ARC: variants seen among roughly 807,000 people sequenced by gnomAD.
ARC encodes the protein activity-regulated cytoskeleton-associated protein.
A neutral mutation model predicts 20.0 loss-of-function variants in ARC; 10 were observed. The observed-to-expected ratio is 0.50, with a 90% confidence interval of 0.31 to 0.85. The LOEUF is 0.85. ARC is among the 40% of genes least tolerant of loss of function. The pLI is 0.05. For synonymous variants in ARC, 269 were observed against 254.1 expected (o/e 1.06, Z -0.56); for missense variants, 454 against 555.5 (o/e 0.82, Z 1.84).
rs587723282 is a variant in ARC at position 142,612,253 on chromosome 8, C to G, written c.*598-1G>C. ...TCCAGGCGGGCGTGAATCACTGGAG[C>G]TGGGGGAGAGAAAGCGCGGGTCCAT... On this transcript the variant is annotated splice_acceptor_variant, in intron 1 of 2. Transcript: ENST00000356613. LOFTEE classifies it low-confidence loss of function (3UTR_SPLICE). 6.5e-6 allele frequency: 1 copy of G among 152,710 alleles called. No homozygotes were observed. Among genetic ancestry groups the G allele is most frequent in the African/African-American group, 2.4e-5 (1 of 41,582 alleles). The allele number at this position is 152,710 out of a possible 1,614,324, so 9.5% of individuals were successfully genotyped here.
Position 142,613,166 on chromosome 8 carries a change from T to C in ARC, c.1106A>G (p.His369Arg), listed in dbSNP as rs762016127. ...CTCCGCCTCATCCTCCACCGGGAGG[T>C]GGGGGCCGGCCGGCTCGGCCGCCTG... ...LEQAAEPAGP[H>R]LPVEDEAETL... Residue 369 changes from histidine (H) to arginine (R), a missense_variant, in exon 1 of 3, where the codon CAC becomes CGC. Physicochemically the swap from His to Arg is conservative, Grantham distance 29 (BLOSUM62 0). Coordinates refer to ENST00000356613, the MANE Select transcript of ARC (RefSeq NM_015193.5). The C allele has an allele frequency of 2.5e-6, 4 of 1,606,656 alleles. No individual in the cohort carries two copies. Among genetic ancestry groups the C allele is most frequent in the South Asian group, 2.2e-5 (2 of 90,502 alleles).
rs780778985 is a variant in ARC at position 142,613,072 on chromosome 8, G to A, written c.*9C>T. The A allele has an allele frequency of 2.8e-5, 42 of 1,498,318 alleles. No homozygotes were observed. The African/African-American group carries it at 4.3e-4, about 15-fold the overall frequency. The allele number at this position is 1,498,318 out of a possible 1,614,324, so 92.8% of individuals were successfully genotyped here. ...TGTAGTGGGCAGGCTGGGGGCTCCGGGATGCCCTCTACTCGGGCTGGGTCC... is the reference window on the plus strand; with the variant it reads ...TGTAGTGGGCAGGCTGGGGGCTCCGAGATGCCCTCTACTCGGGCTGGGTCC... On this transcript the variant is annotated 3_prime_UTR_variant, in exon 1 of 3. Coordinates refer to ENST00000356613, the MANE Select transcript of ARC (RefSeq NM_015193.5).
chr8:142,613,779 A>G lies in ARC; in HGVS notation c.493T>C (p.Tyr165His). 6.4e-7 allele frequency: 1 copy of G among 1,552,310 alleles called. No homozygotes were observed. Among genetic ancestry groups the G allele is most frequent in the South Asian group, 1.2e-5 (1 of 85,964 alleles). The change falls in exon 1 of 3, where the codon TAC becomes CAC. Residue 165 changes from tyrosine (Y) to histidine (H), a missense_variant. Tyr to His is a moderately conservative substitution (Grantham distance 83, BLOSUM62 2). Coordinates refer to ENST00000356613, the MANE Select transcript of ARC (RefSeq NM_015193.5). ...GCGTAGGGGCTGACGGTGTAGTCGT[A>G]GCCGTCTGCCTCGTGGCAGTAGCTC... Reference protein sequence around the residue: ...PESYCHEADGYDYTVSPYAIT... With the variant: ...PESYCHEADGHDYTVSPYAIT...
Position 142,613,766 on chromosome 8 carries a change from ACGGTGTAGT to A in ARC, c.497_505del (p.Asp166_Thr168del). ...GGGCGGGGTGATGGCGTAGGGGCTGACGGTGTAGTCGTAGCCGTCTGCCTCGTGGCAGTA... is the reference window on the plus strand; with the variant it reads ...GGGCGGGGTGATGGCGTAGGGGCTGACGTAGCCGTCTGCCTCGTGGCAGTA... On this transcript the variant is annotated inframe_deletion, in exon 1 of 3. Coordinates refer to ENST00000356613, the MANE Select transcript of ARC (RefSeq NM_015193.5). 1 of 1,551,938 alleles carries A rather than the reference ACGGTGTAGT, an allele frequency of 6.4e-7. No individual in the cohort carries two copies. Among genetic ancestry groups the A allele is most frequent in the Non-Finnish European group, 8.7e-7 (1 of 1,155,606 alleles).
Position 142,612,862 on chromosome 8 carries a change from AG to A in ARC, c.*218del. 1.9e-6 allele frequency: 1 copy of A among 514,642 alleles called. No individual in the cohort carries two copies. The highest frequency in any genetic ancestry group is 3.6e-5 in the South Asian group (1 of 27,786). 31.9% of individuals were successfully genotyped at this position (514,642 alleles called of 1,614,324 possible). A position where few individuals can be genotyped will look rare whatever the true frequency, so the allele number is the denominator to read the frequency against. ...CCAGGCCGGAAAGACAGACGGAGGG[AG>A]GGTGATGGGTGGAGCCCTGCAGGGG... On this transcript the variant is annotated 3_prime_UTR_variant, in exon 1 of 3. Transcript: ENST00000356613.
rs763581297 is a variant in ARC at position 142,614,164 on chromosome 8, G to A, written c.108C>T (p.Ala36=). 1.8e-5 allele frequency: 28 copies of A among 1,580,650 alleles called. No individual in the cohort carries two copies. In the Middle Eastern group the frequency reaches 6.7e-4, roughly 38 times the overall value. The change falls in exon 1 of 3, where the codon GCC becomes GCT. Residue 36 remains alanine, a synonymous_variant. Coordinates refer to ENST00000356613, the MANE Select transcript of ARC (RefSeq NM_015193.5). The part of the protein sequence containing the change: ...NVILQIGKCR[A]EMLEHVRRTH... ...TCCGCCGCACGTGCTCCAGCATCTC[G>A]GCCCGGCACTTCCCGATCTGCAGGA...
rs905537643 is a variant in ARC, at chr8:142,612,775, G to A, written c.*306C>T. ...TTCTGGATGTCCAGAGGGCCTGGGTGTTGTAGCAGAATGAGGAAGCTGGGG... is the reference window on the plus strand; with the variant it reads ...TTCTGGATGTCCAGAGGGCCTGGGTATTGTAGCAGAATGAGGAAGCTGGGG... On this transcript the variant is annotated 3_prime_UTR_variant, in exon 1 of 3. Transcript: ENST00000356613. 14 of 380,256 alleles carry A rather than the reference G, an allele frequency of 3.7e-5. No individual in the cohort carries two copies. Among genetic ancestry groups the A allele is most frequent in the Admixed American group, 2.5e-4 (6 of 24,426 alleles). 23.6% of individuals were successfully genotyped at this position (380,256 alleles called of 1,614,324 possible). A position where few individuals can be genotyped will look rare whatever the true frequency, so the allele number is the denominator to read the frequency against.
At position 142,613,492 on chromosome 8, in the gene ARC, G is replaced by A. The variant is rs770283075; in HGVS notation, c.780C>T (p.Ser260=). The A allele has an allele frequency of 1.9e-6, 3 of 1,613,124 alleles. No individual in the cohort carries two copies. Among genetic ancestry groups the A allele is most frequent in the Non-Finnish European group, 8.5e-7 (1 of 1,179,854 alleles). Residue 260 remains serine (S), a synonymous_variant, in exon 1 of 3, where the codon TCC becomes TCT. Coordinates refer to ENST00000356613, the MANE Select transcript of ARC (RefSeq NM_015193.5). ...AKKWWEFKQG[S]VKNWVEFKKE... ...TCTTGAACTCCACCCAGTTCTTCAC[G>A]GAGCCCTGCTTGAACTCCCACCACT...
Position 142,614,116 on chromosome 8 carries a change from C to A in ARC, c.156G>T (p.Glu52Asp). 6.3e-7 allele frequency: 1 copy of A among 1,592,134 alleles called. No homozygotes were observed. Among genetic ancestry groups the A allele is most frequent in the Non-Finnish European group, 8.6e-7 (1 of 1,169,448 alleles). Residue 52 changes from glutamate to aspartate, a missense_variant, in exon 1 of 3, where the codon GAG becomes GAT. Physicochemically the swap from Glu to Asp is conservative, Grantham distance 45. Coordinates refer to ENST00000356613, the MANE Select transcript of ARC (RefSeq NM_015193.5). ...VRRTHRHLLA[E>D]VSKQVERELK... ...GCTCGCGCTCCACCTGCTTGGACAC[C>A]TCGGCCAGCAGGTGCCGGTGCGTCC...
chr8:142,612,745 T>G lies in ARC; in HGVS notation c.*336A>C. On this transcript the variant is annotated 3_prime_UTR_variant, in exon 1 of 3. Coordinates refer to ENST00000356613, the MANE Select transcript of ARC (RefSeq NM_015193.5). ...CGCTGGCCCCTGCCATCCGGACACT[T>G]GGTTTTCTGGATGTCCAGAGGGCCT... 1 of 291,360 alleles carries G rather than the reference T, an allele frequency of 3.4e-6. No individual in the cohort carries two copies. Among genetic ancestry groups the G allele is most frequent in the Non-Finnish European group, 6.4e-6 (1 of 155,148 alleles). The allele number at this position is 291,360 out of a possible 1,614,324, so 18.0% of individuals were successfully genotyped here. A position where few individuals can be genotyped will look rare whatever the true frequency, so the allele number is the denominator to read the frequency against.
Position 142,613,059 on chromosome 8 carries a change from G to A in ARC, c.*22C>T. The A allele has an allele frequency of 6.8e-7, 1 of 1,469,676 alleles. No homozygotes were observed. Among genetic ancestry groups the A allele is most frequent in the Non-Finnish European group, 9.0e-7 (1 of 1,108,444 alleles). 91.0% of individuals were successfully genotyped at this position (1,469,676 alleles called of 1,614,324 possible). A position where few individuals can be genotyped will look rare whatever the true frequency, so the allele number is the denominator to read the frequency against. On this transcript the variant is annotated 3_prime_UTR_variant, in exon 1 of 3. Coordinates refer to ENST00000356613, the MANE Select transcript of ARC (RefSeq NM_015193.5). ...GCCACAGGCTGGATGTAGTGGGCAG[G>A]CTGGGGGCTCCGGGATGCCCTCTAC...
In ARC at chr8:142,612,997, A is replaced by C; in HGVS notation, c.*84T>G. On this transcript the variant is annotated 3_prime_UTR_variant, in exon 1 of 3. Coordinates refer to ENST00000356613, the MANE Select transcript of ARC (RefSeq NM_015193.5). ...CCAGCTGGACCAGGGCTTCCCCTGC[A>C]GGAGTCAGCCCCAGCTCAAAAGTCC... The C allele has an allele frequency of 1.7e-6, 2 of 1,143,768 alleles. No homozygotes were observed. Among genetic ancestry groups the C allele is most frequent in the Non-Finnish European group, 2.4e-6 (2 of 832,048 alleles). 70.9% of individuals were successfully genotyped at this position (1,143,768 alleles called of 1,614,324 possible).
Position 142,614,443 on chromosome 8 carries a change from G to A in ARC, c.-172C>T, listed in dbSNP as rs1207195118. The stretch of plus-strand genomic sequence containing the variant: ...CGCCCGGGGAGGCAGGTCCGGCTCG[G>A]CTGCTGCGGAGGGAGGACGCCGCGC... On this transcript the variant is annotated 5_prime_UTR_variant, in exon 1 of 3. Transcript: ENST00000356613. 7 of 493,012 alleles carry A rather than the reference G, an allele frequency of 1.4e-5. No individual in the cohort carries two copies. The highest frequency in any genetic ancestry group is 1.0e-4 in the African/African-American group (5 of 49,890). The allele number at this position is 493,012 out of a possible 1,614,324, so 30.5% of individuals were successfully genotyped here.
chr8:142,612,904 GC>G lies in ARC; in HGVS notation c.*176del. ...CCTGCAGGGGGGAGGGCTCTTTGCCGCTGGGTGCGGTGCTCACATCTGGATG... is the reference window on the plus strand; with the variant it reads ...CCTGCAGGGGGGAGGGCTCTTTGCCGTGGGTGCGGTGCTCACATCTGGATG... On this transcript the variant is annotated 3_prime_UTR_variant, in exon 1 of 3. Coordinates refer to ENST00000356613, the MANE Select transcript of ARC (RefSeq NM_015193.5). The G allele has an allele frequency of 6.9e-6, 4 of 576,154 alleles. No individual in the cohort carries two copies. Among genetic ancestry groups the G allele is most frequent in the South Asian group, 2.5e-5 (1 of 39,640 alleles). The allele number at this position is 576,154 out of a possible 1,614,324, so 35.7% of individuals were successfully genotyped here.
chr8:142,614,164 G>T lies in ARC; in HGVS notation c.108C>A (p.Ala36=). 2.5e-6 allele frequency: 4 copies of T among 1,580,768 alleles called. No individual in the cohort carries two copies. The highest frequency in any genetic ancestry group is 3.4e-6 in the Non-Finnish European group (4 of 1,165,768). The change falls in exon 1 of 3, where the codon GCC becomes GCA. Residue 36 remains alanine, a synonymous_variant. Coordinates refer to ENST00000356613, the MANE Select transcript of ARC (RefSeq NM_015193.5). ...NVILQIGKCR[A]EMLEHVRRTH... is the part of the protein sequence containing the mutation. ...TCCGCCGCACGTGCTCCAGCATCTC[G>T]GCCCGGCACTTCCCGATCTGCAGGA...
In ARC at chr8:142,613,662, G is replaced by C. The variant is rs748412721; in HGVS notation, c.610C>G (p.Gln204Glu). 1 of 1,567,220 alleles carries C rather than the reference G, an allele frequency of 6.4e-7. No individual in the cohort carries two copies. Among genetic ancestry groups the C allele is most frequent in the Non-Finnish European group, 8.6e-7 (1 of 1,158,050 alleles). The change falls in exon 1 of 3, where the codon CAG becomes GAG. Residue 204 changes from glutamine to glutamate, a missense_variant. Transcript: ENST00000356613. ...TGCGTGTCCACGCCGGGGCTGGGCTGCCCGTCCTCGCCGGGGACCCACGGC... is the reference window on the plus strand; with the variant it reads ...TGCGTGTCCACGCCGGGGCTGGGCTCCCCGTCCTCGCCGGGGACCCACGGC... The part of the protein sequence containing the change: ...YQPWVPGEDG[Q>E]PSPGVDTQIF...
At position 142,614,473 on chromosome 8, in the gene ARC, G is replaced by T. The variant is rs963346688; in HGVS notation, c.-202C>A. The T allele has an allele frequency of 4.6e-5, 18 of 390,650 alleles. No individual in the cohort carries two copies. The highest frequency in any genetic ancestry group is 1.4e-4 in the Admixed American group (3 of 21,534). The allele number at this position is 390,650 out of a possible 1,614,324, so 24.2% of individuals were successfully genotyped here. A position where few individuals can be genotyped will look rare whatever the true frequency, so the allele number is the denominator to read the frequency against. ...TGCGGAGGGAGGACGCCGCGCCCGA[G>T]CTCTGCGCTGAGTCCTGGCCGCCGG... On this transcript the variant is annotated 5_prime_UTR_variant, in exon 1 of 3. Coordinates refer to ENST00000356613, the MANE Select transcript of ARC (RefSeq NM_015193.5).
chr8:142,614,397 G>A lies in ARC; in HGVS notation c.-126C>T. The A allele has an allele frequency of 4.6e-6, 4 of 872,650 alleles. No individual in the cohort carries two copies. The East Asian group carries it at 1.0e-4, about 22-fold the overall frequency. The allele number at this position is 872,650 out of a possible 1,614,324, so 54.1% of individuals were successfully genotyped here. A position where few individuals can be genotyped will look rare whatever the true frequency, so the allele number is the denominator to read the frequency against. ...GAGCGCCTGTCTGTCGCTGCGGGCC[G>A]GCGGCGGGGCCGGCGGAGCACGCCC... On this transcript the variant is annotated 5_prime_UTR_variant, in exon 1 of 3. Transcript: ENST00000356613.
Position 142,613,145 on chromosome 8 carries a change from G to C in ARC, c.1127C>G (p.Ala376Gly). The change falls in exon 1 of 3, where the codon GCG becomes GGG. Residue 376 changes from alanine to glycine, a missense_variant. Ala to Gly is a moderately conservative substitution (Grantham distance 60, BLOSUM62 0). Coordinates refer to ENST00000356613, the MANE Select transcript of ARC (RefSeq NM_015193.5). ...AGPHLPVEDE[A>G]ETLTPAPNSE... ...GTTGGGGGCGGGCGTGAGGGTCTCCGCCTCATCCTCCACCGGGAGGTGGGG... is the reference window on the plus strand; with the variant it reads ...GTTGGGGGCGGGCGTGAGGGTCTCCCCCTCATCCTCCACCGGGAGGTGGGG... 6.2e-7 allele frequency: 1 copy of C among 1,602,468 alleles called. No homozygotes were observed. The highest frequency in any genetic ancestry group is 8.5e-7 in the Non-Finnish European group (1 of 1,175,726).
Sources: allele counts gnomAD v4.1 joint callset, GRCh38; gene constraint gnomAD v4.1.1; transcripts MANE v1.5; gene names NCBI Gene and HGNC (gene_info 2026-07-23, HGNC 2026-07-21).